CENPP: variants seen among roughly 807,000 people sequenced by gnomAD.
CENPP encodes centromere protein P.
CENPP carries 24 observed loss-of-function variants against 35.6 expected under a neutral mutation model. The ratio of observed to expected loss-of-function variants is 0.67; its 90% CI spans 0.49 to 0.95. The LOEUF (loss-of-function observed/expected upper bound fraction) is 0.95, where lower values mean the gene tolerates loss of function less well. Among genes scored for constraint, CENPP ranks in the 40% least tolerant of loss-of-function variants. The pLI, the probability that CENPP is intolerant of heterozygous loss-of-function variation, is 0.00. For missense variants in CENPP, 332 were observed against 345.3 expected, an observed-to-expected ratio of 0.96 and a Z score of 0.31; for synonymous variants, 120 against 125.5, an observed-to-expected ratio of 0.96 and a Z score of 0.29.
chr9:92,347,153 T>A (rs1418389153), intron 4 of CENPP, among the ~76,000 whole-genome samples: 1 of 152,190 alleles, frequency 6.6e-6, no homozygotes, highest in African/African-American at 2.4e-5. Flanking sequence ...TTCTAAAATA[T>A]ACTGGCTGAA....
intron 5 of CENPP, among the ~76,000 whole-genome samples, chr9:92,604,738 G>C (rs953136914): frequency 5.9e-5 from 9 of 151,944 alleles, no homozygotes; most frequent in Admixed American, 3.3e-4. Context: ...GGGATTAAAG[G>C]CATGTGACAC....
Position 92,362,992 on chromosome 9 carries a change from C to T in CENPP, c.468-16771C>T, listed in dbSNP as rs188363642. On this transcript the variant is annotated intron_variant, in intron 4 of 7. Coordinates refer to ENST00000375587, the MANE Select transcript of CENPP (RefSeq NM_001012267.3). ...CGGCTCCTGAATCCATGTGTTAATT[C>T]CTTATTATATTTTTGAGCACTTCCT... Among the ~76,000 whole-genome samples, 305 of 152,072 alleles carry T rather than the reference C, an allele frequency of 2.0e-3. 2 individuals carry two copies. The highest frequency in any genetic ancestry group is 3.5e-3 in the Non-Finnish European group (235 of 67,996).
chr9:92,510,877 G>A (rs1309752088), intron 5 of CENPP, among the ~76,000 whole-genome samples: 1 of 152,212 alleles, frequency 6.6e-6, no homozygotes, highest in African/African-American at 2.4e-5. Flanking sequence ...GATCTAGGGT[G>A]TGAATGTAGA....
chr9:92,447,000 G>A (rs2131013563), intron 5 of CENPP, among the ~76,000 whole-genome samples: 1 of 152,010 alleles, frequency 6.6e-6, no homozygotes, highest in East Asian at 1.9e-4. Flanking sequence ...AGCTACCTGT[G>A]GGGACATCTG....
At chr9:92,389,891 T>C in intron 5 of CENPP, 1 of 1,613,026 alleles carries the variant, frequency 6.2e-7, no homozygotes, top group Non-Finnish European at 8.5e-7. Flanking sequence ...ACTCTTGATT[T>C]TGTTGTATTT....
intron 5 of CENPP, among the ~76,000 whole-genome samples, chr9:92,399,792 G>A (rs1203900110): frequency 6.6e-6 from 1 of 152,110 alleles, no homozygotes; most frequent in East Asian, 1.9e-4. Flanking sequence ...GGTACCTTTA[G>A]TATGTACTGA....
At chr9:92,508,287 G>A (rs1039153766) in intron 5 of CENPP, among the ~76,000 whole-genome samples, 5 of 152,218 alleles carry the variant, frequency 3.3e-5, no homozygotes, top group African/African-American at 7.2e-5. Context: ...AAGCACTGCC[G>A]GCATGGGGCC....
intron 5 of CENPP, among the ~76,000 whole-genome samples, chr9:92,408,183 TTTTG>T (rs925178900): frequency 6.6e-5 from 10 of 152,008 alleles, no homozygotes; most frequent in Non-Finnish European, 1.2e-4. Flanking sequence ...GAGTTCTAGT[TTTTG>T]TTTGTTTGTT....
At chr9:92,346,748 C>A (rs1199174880) in intron 4 of CENPP, among the ~76,000 whole-genome samples, 1 of 152,100 alleles carries the variant, frequency 6.6e-6, no homozygotes, top group African/African-American at 2.4e-5. Flanking sequence ...GTAGTTTGGA[C>A]TGAAATGATG....
intron 5 of CENPP, chr9:92,459,609 T>G (rs1364847308): frequency 1.9e-6 from 3 of 1,609,134 alleles, no homozygotes; most frequent in Non-Finnish European, 2.5e-6. Context: ...CAATATCTAC[T>G]GAACACAAGT....
chr9:92,613,038 C>G lies in CENPP; in HGVS notation c.756C>G (p.Asn252Lys). 1 of 1,614,160 alleles carries G rather than the reference C, an allele frequency of 6.2e-7. No homozygotes were observed. The highest frequency in any genetic ancestry group is 1.1e-5 in the South Asian group (1 of 91,072). The change falls in exon 8 of 8, where the codon AAC (asparagine) becomes AAG (lysine). Residue 252 changes from asparagine to lysine, a missense_variant. Physicochemically the swap from Asn to Lys is moderately conservative, Grantham distance 94. Coordinates refer to ENST00000375587, the MANE Select transcript of CENPP (RefSeq NM_001012267.3). Reference protein sequence around the residue: ...VPQRALELDKNRAIETAPLSF... With the variant: ...VPQRALELDKKRAIETAPLSF... ...TTATAGCCCTGGAGCTGGACAAGAA[C>G]AGAGCCATAGAAACTGCTCCTCTCA... is the stretch of plus-strand genomic sequence containing the variant.
rs1409772602 is a variant in CENPP at position 92,618,107 on chromosome 9, G to T, written c.*4958G>T. 4 of 391,380 alleles carry T rather than the reference G, an allele frequency of 1.0e-5. No individual in the cohort carries two copies. The highest frequency in any genetic ancestry group is 2.1e-5 in the Non-Finnish European group (4 of 195,096). The allele number at this position is 391,380 out of a possible 1,614,324, so 24.2% of individuals were successfully genotyped here. A position where few individuals can be genotyped will look rare whatever the true frequency, so the allele number is the denominator to read the frequency against. On this transcript the variant is annotated 3_prime_UTR_variant, in exon 8 of 8. Transcript: ENST00000375587. ...CACCACAGTTACTGGAACTTCACAG[G>T]TGCGGCCACTGCGCACACCTTCCTG...
intron 5 of CENPP, among the ~76,000 whole-genome samples, chr9:92,432,247 C>T (rs572624412): frequency 3.3e-5 from 5 of 152,028 alleles, no homozygotes; most frequent in Admixed American, 6.6e-5. Context: ...ATCGCTTGAA[C>T]CTGGGAGGCA....
At chr9:92,567,403 T>TAGATAGATAGATAGATAGATAGATAG (rs1176766190) in intron 5 of CENPP, among the ~76,000 whole-genome samples, 2 of 138,664 alleles carry the variant, frequency 1.4e-5, no homozygotes, top group East Asian at 4.1e-4. Context: ...TATAGATATA[T>TAGATAGATAGATAGATAGATAGATAG]ATATAAAGTG....
intron 5 of CENPP, among the ~76,000 whole-genome samples, chr9:92,600,768 G>T (rs1036005250): frequency 2.6e-5 from 4 of 152,228 alleles, no homozygotes; most frequent in Non-Finnish European, 4.4e-5. Context: ...GTTTTACTAA[G>T]CAACATTTAG....
intron 5 of CENPP, among the ~76,000 whole-genome samples, chr9:92,554,927 C>T (rs142517214): frequency 2.0e-3 from 306 of 152,276 alleles, no homozygotes; most frequent in African/African-American, 4.5e-3. Context: ...TGAGCCACTG[C>T]GCCTGGCCTT....
intron 4 of CENPP, among the ~76,000 whole-genome samples, chr9:92,355,126 GAGC>G (rs1454694779): frequency 6.6e-6 from 1 of 152,194 alleles, no homozygotes; most frequent in Non-Finnish European, 1.5e-5. Flanking sequence ...CAGGGTTTGA[GAGC>G]AGAGAACCGG....
chr9:92,349,502 C>G (rs1466326339), intron 4 of CENPP, among the ~76,000 whole-genome samples: 1 of 151,052 alleles, frequency 6.6e-6, no homozygotes. Context: ...CTCCCTGGTT[C>G]AAGTGATTCT....
At chr9:92,569,677 G>A (rs1850085125) in intron 5 of CENPP, among the ~76,000 whole-genome samples, 1 of 152,150 alleles carries the variant, frequency 6.6e-6, no homozygotes, top group African/African-American at 2.4e-5. Flanking sequence ...GGGCAGTATG[G>A]CCATCTTCAT....
Sources: gnomAD v4.1 joint callset for allele counts (sites outside exome capture counted in the v4.1 genomes callset) on GRCh38, gnomAD v4.1.1 for gene constraint, MANE v1.5 for transcripts, NCBI Gene and HGNC (gene_info 2026-07-23, HGNC 2026-07-21) for gene names.